NCMAP: variants seen among roughly 807,000 people sequenced by gnomAD.
NCMAP encodes noncompact myelin-associated protein.
Under a neutral mutation model 7.8 loss-of-function variants are expected in NCMAP, and 8 were observed. The observed-to-expected ratio is 1.02, with a 90% CI of 0.60 to 1.84. NCMAP has a LOEUF of 1.84. Among genes scored for constraint, NCMAP ranks in the 40% most tolerant of loss-of-function variants. The pLI, the probability that NCMAP is intolerant of heterozygous loss-of-function variation, is 0.00. For synonymous variants in NCMAP, 41 were observed against 52.9 expected (o/e 0.78, Z 0.98); for missense variants, 112 against 131.4 (o/e 0.85, Z 0.72).
intron 2 of NCMAP, among the ~76,000 whole-genome samples, chr1:24,598,686 G>C (rs1652344002): frequency 1.3e-5 from 2 of 150,950 alleles, no homozygotes; most frequent in South Asian, 4.2e-4. Context: ...CTGGAGTACA[G>C]TGGTGCCATC....
At chr1:24,564,209 G>C (rs2148925460) in intron 1 of NCMAP, among the ~76,000 whole-genome samples, 1 of 152,120 alleles carries the variant, frequency 6.6e-6, no homozygotes, top group Non-Finnish European at 1.5e-5. Flanking sequence ...ACAACACATA[G>C]AAAAGAGAAG....
At chr1:24,569,051 C>T (rs1163947237) in intron 1 of NCMAP, among the ~76,000 whole-genome samples, 2 of 151,430 alleles carry the variant, frequency 1.3e-5, no homozygotes, top group Non-Finnish European at 2.9e-5. Flanking sequence ...CTTGCTCTGT[C>T]GCCCAATGGT....
intron 1 of NCMAP, among the ~76,000 whole-genome samples, chr1:24,577,890 G>C (rs1651632291): frequency 6.6e-6 from 1 of 152,110 alleles, no homozygotes; most frequent in Non-Finnish European, 1.5e-5. Context: ...CCCGGCCATG[G>C]CTCCTTTAGG....
chr1:24,593,044 C>T (rs943231307), intron 1 of NCMAP, among the ~76,000 whole-genome samples: 1 of 151,008 alleles, frequency 6.6e-6, no homozygotes, highest in South Asian at 2.1e-4. Context: ...TGGATGTGGT[C>T]GTGGGCCCTT....
At chr1:24,573,604 CAAAAACA>C (rs1651451581) in intron 1 of NCMAP, among the ~76,000 whole-genome samples, 1 of 115,770 alleles carries the variant, frequency 8.6e-6, no homozygotes, top group African/African-American at 4.3e-5. Flanking sequence ...AAAAAAGAAA[CAAAAACA>C]AAAACAAAAA....
chr1:24,557,516 G>A (rs929023314), intron 1 of NCMAP, among the ~76,000 whole-genome samples: 8 of 152,108 alleles, frequency 5.3e-5, no homozygotes, highest in Admixed American at 2.0e-4. Context: ...CCAGAGCACC[G>A]GGATAGAAGA....
intron 1 of NCMAP, among the ~76,000 whole-genome samples, chr1:24,582,585 G>A (rs1268363941): frequency 6.6e-6 from 1 of 152,100 alleles, no homozygotes; most frequent in African/African-American, 2.4e-5. Context: ...GTCTGAAGAT[G>A]GAGGAAGAAA....
intron 1 of NCMAP, among the ~76,000 whole-genome samples, chr1:24,585,581 G>T (rs948885691): frequency 1.3e-5 from 2 of 152,112 alleles, no homozygotes; most frequent in Non-Finnish European, 2.9e-5. Context: ...CTCCAAACTG[G>T]GCTATTTTAC....
chr1:24,556,990 G>C (rs558035535), intron 1 of NCMAP, among the ~76,000 whole-genome samples: 1 of 152,260 alleles, frequency 6.6e-6, no homozygotes, highest in South Asian at 2.1e-4. Flanking sequence ...TCAGTTTGAT[G>C]TGCTCCTTAA....
At chr1:24,593,354 A>T (rs750301884) in intron 1 of NCMAP, among the ~76,000 whole-genome samples, 2 of 151,910 alleles carry the variant, frequency 1.3e-5, no homozygotes, top group Non-Finnish European at 2.9e-5. Flanking sequence ...TTAGCCAGGC[A>T]TGGTGGTGAA....
intron 2 of NCMAP, among the ~76,000 whole-genome samples, chr1:24,599,166 G>A (rs1652366810): frequency 6.6e-6 from 1 of 151,128 alleles, no homozygotes; most frequent in Admixed American, 6.6e-5. Flanking sequence ...TGTAATCCCA[G>A]CTACTCTGGA....
chr1:24,566,619 C>T (rs1278178926), intron 1 of NCMAP, among the ~76,000 whole-genome samples: 2 of 152,174 alleles, frequency 1.3e-5, no homozygotes, highest in Admixed American at 1.3e-4. Flanking sequence ...TGGAAATGAT[C>T]ATTGCTTTTG....
At chr1:24,567,775 G>A (rs1347846546) in intron 1 of NCMAP, among the ~76,000 whole-genome samples, 1 of 152,078 alleles carries the variant, frequency 6.6e-6, no homozygotes, top group African/African-American at 2.4e-5. Context: ...AAGAAGTGGA[G>A]GACATTCCCA....
intron 1 of NCMAP, among the ~76,000 whole-genome samples, chr1:24,585,380 C>T (rs958403581): frequency 5.9e-5 from 9 of 152,116 alleles, no homozygotes; most frequent in African/African-American, 2.2e-4. Context: ...CGGTTTGTTC[C>T]AGTCTCTAGT....
rs1018702433 is a variant in NCMAP, at chr1:24,572,612, C to T, written c.-8+16443C>T. ...CTTGCACACTTGCTCACACACTCACCGCCCCTCCCCACTGCTCAGCCCCCT... is the reference window on the plus strand; with the variant it reads ...CTTGCACACTTGCTCACACACTCACTGCCCCTCCCCACTGCTCAGCCCCCT... On this transcript the variant is annotated intron_variant, in intron 1 of 3. Coordinates refer to ENST00000374392, the MANE Select transcript of NCMAP (RefSeq NM_001010980.5). Among the ~76,000 whole-genome samples, 6 of 150,114 alleles carry T rather than the reference C, an allele frequency of 4.0e-5. 1 individual carries two copies. The highest frequency in any genetic ancestry group is 1.3e-4 in the Admixed American group (2 of 15,174).
intron 1 of NCMAP, among the ~76,000 whole-genome samples, chr1:24,581,891 A>C (rs1194592212): frequency 6.6e-6 from 1 of 152,224 alleles, no homozygotes. Flanking sequence ...GATGGGATAG[A>C]ATTCTGGCTG....
intron 1 of NCMAP, among the ~76,000 whole-genome samples, chr1:24,579,132 C>T (rs1180048417): frequency 6.6e-6 from 1 of 151,976 alleles, no homozygotes; most frequent in Non-Finnish European, 1.5e-5. Context: ...CTTCACCCCT[C>T]GCTCACTTTA....
At chr1:24,572,060 G>C (rs1353995447) in intron 1 of NCMAP, among the ~76,000 whole-genome samples, 1 of 150,838 alleles carries the variant, frequency 6.6e-6, no homozygotes, top group East Asian at 1.9e-4. Flanking sequence ...TCTAGATGCT[G>C]CTGGGTGGTG....
At chr1:24,597,643 G>GAAAGAAAGAAAGAAAAGAA (rs1652293018) in intron 2 of NCMAP, among the ~76,000 whole-genome samples, 1 of 126,110 alleles carries the variant, frequency 7.9e-6, no homozygotes, top group Non-Finnish European at 1.6e-5. Flanking sequence ...AAGAAAGAAA[G>GAAAGAAAGAAAGAAAAGAA]AAAGAAAGAA....
Sources: allele counts gnomAD v4.1 joint callset (sites outside exome capture counted in the v4.1 genomes callset), GRCh38; gene constraint gnomAD v4.1.1; transcripts MANE v1.5; gene names NCBI Gene and HGNC (gene_info 2026-07-23, HGNC 2026-07-21).